Variants in DLC1 observed in about 807,000 individuals in gnomAD.
DLC1 encodes rho GTPase-activating protein 7.
In DLC1, 54 loss-of-function variants were observed where a neutral mutation model predicts 140.3. The observed-to-expected ratio is 0.38, with a 90% CI of 0.31 to 0.48. The LOEUF (loss-of-function observed/expected upper bound fraction) is 0.48. DLC1 is among the 20% of genes least tolerant of loss of function. DLC1 has a pLI of 0.96. For missense variants in DLC1, 2,536 were observed against 1,907.0 expected, an observed-to-expected ratio of 1.33 and a Z score of -6.14; for synonymous variants, 986 against 728.1, an observed-to-expected ratio of 1.35 and a Z score of -5.70.
chr8:13,464,882 T>C (rs1799861137), intron 2 of DLC1, among the ~76,000 whole-genome samples: 1 of 151,126 alleles, frequency 6.6e-6, no homozygotes, highest in South Asian at 2.1e-4. Flanking sequence ...CCAGCAACAT[T>C]ACCACCACTA....
At chr8:13,428,632 C>T (rs1838711012) in intron 2 of DLC1, among the ~76,000 whole-genome samples, 1 of 151,972 alleles carries the variant, frequency 6.6e-6, no homozygotes. Flanking sequence ...GACTTGAGTT[C>T]AGAAGAAAAG....
At chr8:13,328,142 T>C (rs1480933158) in intron 4 of DLC1, among the ~76,000 whole-genome samples, 1 of 152,190 alleles carries the variant, frequency 6.6e-6, no homozygotes, top group Admixed American at 6.6e-5. Context: ...TAATAAGCAC[T>C]GAGCACCTAT....
intron 1 of DLC1, among the ~76,000 whole-genome samples, chr8:13,579,932 A>T (rs2117441511): frequency 6.6e-6 from 1 of 151,982 alleles, no homozygotes; most frequent in East Asian, 1.9e-4. Flanking sequence ...GACAAACAAC[A>T]ATGGTGACAG....
intron 5 of DLC1, among the ~76,000 whole-genome samples, chr8:13,190,044 C>CA (rs1286357288): frequency 6.6e-6 from 1 of 152,034 alleles, no homozygotes; most frequent in African/African-American, 2.4e-5. Flanking sequence ...GTAGCCGCTG[C>CA]AAAAAACATC....
At chr8:13,265,397 G>A (rs1167394552) in intron 5 of DLC1, among the ~76,000 whole-genome samples, 1 of 152,156 alleles carries the variant, frequency 6.6e-6, no homozygotes, top group Non-Finnish European at 1.5e-5. Flanking sequence ...TGTGTGGGTA[G>A]GTGGTAGAGA....
At chr8:13,401,220 T>C (rs1837280502) in intron 3 of DLC1, among the ~76,000 whole-genome samples, 1 of 152,204 alleles carries the variant, frequency 6.6e-6, no homozygotes, top group African/African-American at 2.4e-5. Context: ...TTTCCTAAGG[T>C]GACTTTCCTT....
At chr8:13,100,907 T>G (rs1315378881) in intron 8 of DLC1, 137 bp from the exon 9 acceptor site, 2 of 362,770 alleles carry the variant, frequency 5.5e-6, no homozygotes, top group South Asian at 9.3e-5. Flanking sequence ...TTTTAAAGTT[T>G]TTTTTTTTTT....
intron 2 of DLC1, among the ~76,000 whole-genome samples, chr8:13,492,746 C>T (rs568127151): frequency 6.1e-4 from 93 of 152,282 alleles, no homozygotes; most frequent in Admixed American, 3.9e-3. Flanking sequence ...TTACCAGACG[C>T]TATACCTAGC....
intron 4 of DLC1, among the ~76,000 whole-genome samples, chr8:13,360,206 A>C (rs1342260145): frequency 1.3e-5 from 2 of 152,124 alleles, no homozygotes; most frequent in African/African-American, 4.8e-5. Flanking sequence ...CTATTTTGAG[A>C]ATTAAATAAG....
chr8:13,241,709 T>C (rs1829551827), intron 5 of DLC1, among the ~76,000 whole-genome samples: 1 of 152,188 alleles, frequency 6.6e-6, no homozygotes, highest in African/African-American at 2.4e-5. Flanking sequence ...GTTGCTTTTA[T>C]GGTGACCTCC....
chr8:13,559,917 T>C (rs1804180842), intron 1 of DLC1, among the ~76,000 whole-genome samples: 1 of 151,590 alleles, frequency 6.6e-6, no homozygotes, highest in South Asian at 2.1e-4. Context: ...GACTTAACTT[T>C]ATAAAATTGC....
intron 2 of DLC1, among the ~76,000 whole-genome samples, chr8:13,404,851 T>TA (rs1837453446): frequency 6.6e-6 from 1 of 151,850 alleles, no homozygotes; most frequent in South Asian, 2.1e-4. Flanking sequence ...TATATTTTTT[T>TA]AAAAAATAGA....
chr8:13,142,497 T>C (rs1317428599), intron 5 of DLC1, among the ~76,000 whole-genome samples: 2 of 152,160 alleles, frequency 1.3e-5, no homozygotes, highest in African/African-American at 4.8e-5. Flanking sequence ...GATATCTGAA[T>C]CTCTAATAAT....
chr8:13,464,286 T>G (rs1220881575), intron 2 of DLC1, among the ~76,000 whole-genome samples: 2 of 152,194 alleles, frequency 1.3e-5, no homozygotes, highest in African/African-American at 4.8e-5. Context: ...ACTCTTTATT[T>G]CTTTCACTGA....
At chr8:13,574,911 C>G (rs1384801793) in intron 1 of DLC1, among the ~76,000 whole-genome samples, 1 of 152,160 alleles carries the variant, frequency 6.6e-6, no homozygotes, top group Non-Finnish European at 1.5e-5. Flanking sequence ...TAACTTAGCT[C>G]ATTCTGCAGC....
At chr8:13,251,568 G>C (rs1018187634) in intron 5 of DLC1, among the ~76,000 whole-genome samples, 4 of 152,066 alleles carry the variant, frequency 2.6e-5, no homozygotes, top group African/African-American at 7.2e-5. Flanking sequence ...AAGGTCCTTG[G>C]ATACAGGACC....
At chr8:13,485,724 A>T (rs1471169005) in intron 2 of DLC1, among the ~76,000 whole-genome samples, 1 of 152,244 alleles carries the variant, frequency 6.6e-6, no homozygotes, top group Non-Finnish European at 1.5e-5. Flanking sequence ...CTAACAGAAG[A>T]TACATTCTCT....
rs1563554258 is a variant in DLC1 at position 13,085,688 on chromosome 8, C to G, written c.*123G>C. On this transcript the variant is annotated 3_prime_UTR_variant, in exon 18 of 18. Transcript: ENST00000276297. ...ATGTATCAAATTGCTATAGTCAATT[C>G]CTACACTCCAGCTTGTAGTTTTCTT... 2 of 1,439,444 alleles carry G rather than the reference C, an allele frequency of 1.4e-6. No homozygotes were observed. The highest frequency in any genetic ancestry group is 2.2e-5 in the Admixed American group (1 of 45,684). The allele number at this position is 1,439,444 out of a possible 1,614,324, so 89.2% of individuals were successfully genotyped here. A position where few individuals can be genotyped will look rare whatever the true frequency, so the allele number is the denominator to read the frequency against.
At chr8:13,528,054 A>T (rs1237944143) in intron 1 of DLC1, among the ~76,000 whole-genome samples, 1 of 152,144 alleles carries the variant, frequency 6.6e-6, no homozygotes, top group Non-Finnish European at 1.5e-5. Context: ...CATCCAAAAA[A>T]ATCATTATTG....
Sources: gnomAD v4.1 joint callset for allele counts (sites outside exome capture counted in the v4.1 genomes callset) on GRCh38, gnomAD v4.1.1 for gene constraint, MANE v1.5 for transcripts, NCBI Gene and HGNC (gene_info 2026-07-23, HGNC 2026-07-21) for gene names.